The following NEU3 variants were observed in gnomAD, a reference collection of about 807,000 sequenced individuals.
NEU3 encodes the protein neuraminidase 3.
In NEU3, 10 loss-of-function variants were observed where a neutral mutation model predicts 11.4. The ratio of observed to expected loss-of-function variants is 0.88; its 90% CI spans 0.54 to 1.49. The LOEUF (loss-of-function observed/expected upper bound fraction) is 1.49, where lower values mean the gene tolerates loss of function less well. Among genes scored for constraint, NEU3 ranks in the 40% most tolerant of loss-of-function variants. The pLI, the probability that NEU3 is intolerant of heterozygous loss-of-function variation, is 0.00. For synonymous variants in NEU3, 212 were observed against 228.2 expected, an observed-to-expected ratio of 0.93 and a Z score of 0.64; for missense variants, 529 against 581.8, an observed-to-expected ratio of 0.91 and a Z score of 0.93.
the NEU3 span, among the ~76,000 whole-genome samples, chr11:74,983,090 G>A: frequency 2.6e-5 from 4 of 152,088 alleles, no homozygotes; most frequent in Non-Finnish European, 5.9e-5. Flanking sequence ...AATGAAAATT[G>A]GATCCTGACC....
At chr11:74,987,191 T>C (rs997337982), upstream of NEU3, among the ~76,000 whole-genome samples, 3 of 152,176 alleles carry the variant, frequency 2.0e-5, no homozygotes, top group African/African-American at 7.2e-5. Flanking sequence ...TACCCAGAAA[T>C]AGGGTTTGTA....
At chr11:75,019,150 G>T (rs1044130084), downstream of NEU3, among the ~76,000 whole-genome samples, 1 of 152,180 alleles carries the variant, frequency 6.6e-6, no homozygotes, top group Non-Finnish European at 1.5e-5. Context: ...AAGGGAAGTG[G>T]AGCATAAAAG....
chr11:75,019,067 T>C (rs1591767099), downstream of NEU3, among the ~76,000 whole-genome samples: 2 of 152,220 alleles, frequency 1.3e-5, no homozygotes, highest in African/African-American at 2.4e-5. Flanking sequence ...TTAAGGTATC[T>C]GGCAGAAGAA....
intron 1 of NEU3, chr11:74,990,271 T>A: frequency 2.3e-6 from 1 of 430,856 alleles, no homozygotes; most frequent in East Asian, 3.8e-5. Flanking sequence ...CAAAACGTCA[T>A]GCAGCAAGAA....
chr11:75,006,520 G>A lies in NEU3; in HGVS notation c.*28G>A. ...GGCTTAGGACCCAATTTCCATAGATGCAAATGGCAGTTACAGACAGGTTAA... is the reference window on the plus strand; with the variant it reads ...GGCTTAGGACCCAATTTCCATAGATACAAATGGCAGTTACAGACAGGTTAA... On this transcript the variant is annotated 3_prime_UTR_variant, in exon 3 of 3. Coordinates refer to ENST00000294064, the MANE Select transcript of NEU3 (RefSeq NM_006656.6). 2 of 1,576,268 alleles carry A rather than the reference G, an allele frequency of 1.3e-6. No individual in the cohort carries two copies. Among genetic ancestry groups the A allele is most frequent in the South Asian group, 2.4e-5 (2 of 85,066 alleles).
chr11:74,987,898 CTTTT>C (rs58508078), upstream of NEU3, among the ~76,000 whole-genome samples: 1 of 22,330 alleles, frequency 4.5e-5, no homozygotes, highest in South Asian at 1.2e-3. Flanking sequence ...TTTTTTTTTT[CTTTT>C]TTTTTTTTTT....
At chr11:74,994,967 G>A (rs1948774297) in intron 2 of NEU3, 2 of 633,454 alleles carry the variant, frequency 3.2e-6, no homozygotes, top group Non-Finnish European at 5.7e-6. Flanking sequence ...AGGAAACTGA[G>A]ACTCAGAGAG....
chr11:74,985,469 T>C (rs111606894), upstream of NEU3, among the ~76,000 whole-genome samples: 119 of 152,320 alleles, frequency 7.8e-4, no homozygotes, highest in African/African-American at 2.8e-3. Context: ...TATTTTTTAA[T>C]TTTATTTTTA....
At chr11:74,996,013 G>T (rs1436468653) in intron 2 of NEU3, among the ~76,000 whole-genome samples, 1 of 151,938 alleles carries the variant, frequency 6.6e-6, no homozygotes, top group Non-Finnish European at 1.5e-5. Flanking sequence ...ACATTGGGTG[G>T]GTTTAGTGGC....
intron 3 of NEU3, among the ~76,000 whole-genome samples, chr11:75,016,569 C>CTA (rs1194375464): frequency 6.6e-6 from 1 of 152,216 alleles, no homozygotes. Flanking sequence ...ATTCCATCCC[C>CTA]TAGCATAGTG....
the NEU3 span, among the ~76,000 whole-genome samples, chr11:74,980,655 T>C: frequency 1.7e-3 from 260 of 152,356 alleles, 7 homozygotes; most frequent in East Asian, 0.047. Flanking sequence ...ACCCACCCTA[T>C]GGTCCCCTTC....
chr11:75,013,543 G>A (rs1007027623), downstream of NEU3, among the ~76,000 whole-genome samples: 2 of 152,108 alleles, frequency 1.3e-5, 1 homozygote, highest in Non-Finnish European at 2.9e-5. Context: ...TTCTGACTGT[G>A]CCCCAGACTT....
intron 2 of NEU3, among the ~76,000 whole-genome samples, chr11:75,004,003 T>C (rs12273852): frequency 0.038 from 5,850 of 152,350 alleles, 111 homozygotes; most frequent in Middle Eastern, 0.051. Context: ...TTGAGTTGTT[T>C]GTAGTATTCT....
In NEU3 at chr11:74,994,545, G is replaced by T. The variant is rs780866349; in HGVS notation, c.131G>T (p.Ser44Ile). Reference protein sequence around the residue: ...MEEVTTCSFNSPLFRQEDDRG... With the variant: ...MEEVTTCSFNIPLFRQEDDRG... The stretch of plus-strand genomic sequence containing the variant: ...GAAGTGACAACATGCTCCTTCAACA[G>T]CCCTCTGTTCCGGCAGGAAGATGAC... Residue 44 changes from serine (S) to isoleucine (I), a missense_variant, in exon 2 of 3, where the codon AGC (serine) becomes ATC (isoleucine). Transcript: ENST00000294064. 6.2e-7 allele frequency: 1 copy of T among 1,613,494 alleles called. No individual in the cohort carries two copies. The highest frequency in any genetic ancestry group is 1.7e-5 in the Admixed American group (1 of 59,994).
chr11:74,999,084 G>T (rs1451338478), intron 2 of NEU3, among the ~76,000 whole-genome samples: 1 of 152,090 alleles, frequency 6.6e-6, no homozygotes, highest in African/African-American at 2.4e-5. Flanking sequence ...GAGTAGCTAC[G>T]ACTACAGGTG....
At chr11:75,012,489 T>A (rs1817434533), downstream of NEU3, among the ~76,000 whole-genome samples, 1 of 152,232 alleles carries the variant, frequency 6.6e-6, no homozygotes, top group Non-Finnish European at 1.5e-5. Flanking sequence ...ATGCAGCCTC[T>A]TTAAAGTCAC....
upstream of NEU3, among the ~76,000 whole-genome samples, chr11:74,983,447 T>TG (rs1948650694): frequency 6.6e-6 from 1 of 152,242 alleles, no homozygotes; most frequent in Non-Finnish European, 1.5e-5. Flanking sequence ...TAACCAGCTA[T>TG]GTGGACTTTG....
downstream of NEU3, among the ~76,000 whole-genome samples, chr11:75,012,638 C>A (rs541062944): frequency 9.2e-5 from 14 of 152,310 alleles, no homozygotes; most frequent in East Asian, 2.7e-3. Context: ...ACAGCTTTAG[C>A]GACTTTGCAC....
At chr11:75,011,318 C>T (rs562040924), downstream of NEU3, among the ~76,000 whole-genome samples, 2 of 152,344 alleles carry the variant, frequency 1.3e-5, no homozygotes, top group East Asian at 3.8e-4. Context: ...GGAATGATAG[C>T]TTTAACTTAA....
Sources: allele counts gnomAD v4.1 joint callset (sites outside exome capture counted in the v4.1 genomes callset), GRCh38; gene constraint gnomAD v4.1.1; transcripts MANE v1.5; gene names NCBI Gene and HGNC (gene_info 2026-07-23, HGNC 2026-07-21).